AGBL4: variants seen among roughly 807,000 people sequenced by gnomAD.
The protein encoded by AGBL4 is AGBL carboxypeptidase 4.
In AGBL4, 58 loss-of-function variants were observed where a neutral mutation model predicts 66.4. The ratio of observed to expected loss-of-function variants is 0.87; its 90% CI spans 0.71 to 1.09. The LOEUF (loss-of-function observed/expected upper bound fraction) is 1.09. Among genes scored for constraint, AGBL4 ranks in the 50% least tolerant of loss-of-function variants. The probability of loss-of-function intolerance (pLI) is 0.00; values close to 1 mark genes in which losing one functional copy is unlikely to be tolerated. For synonymous variants in AGBL4, 234 were observed against 222.9 expected, an observed-to-expected ratio of 1.05 and a Z score of -0.44; for missense variants, 579 against 631.0, an observed-to-expected ratio of 0.92 and a Z score of 0.88.
At chr1:48,846,738 A>C (rs1646925784) in intron 6 of AGBL4, among the ~76,000 whole-genome samples, 1 of 152,194 alleles carries the variant, frequency 6.6e-6, no homozygotes, top group Admixed American at 6.5e-5. Flanking sequence ...GAGGTTTTGA[A>C]AATGAATCCA....
chr1:49,491,074 A>C (rs944951541), intron 3 of AGBL4, among the ~76,000 whole-genome samples: 4 of 151,778 alleles, frequency 2.6e-5, no homozygotes, highest in Admixed American at 2.0e-4. Flanking sequence ...CTCCACACAA[A>C]GTAGAAGCTC....
At chr1:48,917,453 C>A (rs1173477638) in intron 5 of AGBL4, among the ~76,000 whole-genome samples, 1 of 152,030 alleles carries the variant, frequency 6.6e-6, no homozygotes, top group Non-Finnish European at 1.5e-5. Flanking sequence ...CTTAATGAGC[C>A]CTCTATGAAT....
In AGBL4 at chr1:49,067,362, G is replaced by A. The variant is rs577866477; in HGVS notation, c.378-21562C>T. Among the ~76,000 whole-genome samples the A allele has an allele frequency of 3.9e-5, 6 of 152,274 alleles. No homozygotes were observed. In the South Asian group the frequency reaches 1.2e-3, roughly 32 times the overall value. On this transcript the variant is annotated intron_variant, in intron 4 of 13. Transcript: ENST00000371839. ...TAAAACCTTCCAGTGCCTTCCCATT[G>A]CACCTAAACAAATAGGTTAGTCTCA...
At chr1:48,832,453 T>C (rs1646575708) in intron 6 of AGBL4, among the ~76,000 whole-genome samples, 1 of 152,188 alleles carries the variant, frequency 6.6e-6, no homozygotes, top group African/African-American at 2.4e-5. Context: ...CTCTTATTGT[T>C]GCCACAAAGT....
At chr1:49,161,400 C>T (rs1306310749) in intron 4 of AGBL4, among the ~76,000 whole-genome samples, 1 of 152,148 alleles carries the variant, frequency 6.6e-6, no homozygotes, top group Non-Finnish European at 1.5e-5. Context: ...CAACCAGTCC[C>T]AATGAGATGA....
At chr1:48,967,299 A>G (rs1658525034) in intron 5 of AGBL4, among the ~76,000 whole-genome samples, 1 of 152,132 alleles carries the variant, frequency 6.6e-6, no homozygotes, top group Admixed American at 6.5e-5. Flanking sequence ...CACTATCATC[A>G]TAATTCTGCT....
intron 5 of AGBL4, among the ~76,000 whole-genome samples, chr1:48,934,699 C>T (rs1013289838): frequency 6.6e-6 from 1 of 152,198 alleles, no homozygotes; most frequent in African/African-American, 2.4e-5. Context: ...TAATTACCCT[C>T]ATCCCTACAA....
At chr1:49,684,521 G>A (rs1475982144) in intron 3 of AGBL4, among the ~76,000 whole-genome samples, 1 of 152,082 alleles carries the variant, frequency 6.6e-6, no homozygotes, top group Non-Finnish European at 1.5e-5. Flanking sequence ...TCAGTGTGAA[G>A]CTCATATTAG....
chr1:48,623,811 A>G (rs1645455332), intron 9 of AGBL4, among the ~76,000 whole-genome samples: 1 of 152,208 alleles, frequency 6.6e-6, no homozygotes, highest in South Asian at 2.1e-4. Context: ...AGGGAGGAGT[A>G]TATGGGAGGA....
intron 3 of AGBL4, among the ~76,000 whole-genome samples, chr1:49,463,422 G>A (rs1433794773): frequency 1.3e-5 from 2 of 151,674 alleles, no homozygotes; most frequent in East Asian, 3.9e-4. Flanking sequence ...ACTATGAATA[G>A]AAAAATGTAA....
chr1:48,556,204 G>A (rs1644318705), intron 11 of AGBL4, among the ~76,000 whole-genome samples: 1 of 152,168 alleles, frequency 6.6e-6, no homozygotes, highest in East Asian at 1.9e-4. Flanking sequence ...GTATGAGGCT[G>A]GCCTTAAACT....
intron 9 of AGBL4, among the ~76,000 whole-genome samples, chr1:48,630,195 T>G (rs1041520745): frequency 2.0e-5 from 3 of 152,192 alleles, no homozygotes. Context: ...GATCATCATT[T>G]AATACCCAAT....
intron 6 of AGBL4, among the ~76,000 whole-genome samples, chr1:48,857,681 G>A (rs571508106): frequency 1.3e-5 from 2 of 151,910 alleles, no homozygotes; most frequent in South Asian, 2.1e-4. Context: ...AGATCGCACC[G>A]CTGCACTCCA....
intron 3 of AGBL4, among the ~76,000 whole-genome samples, chr1:49,584,239 A>G (rs1007295302): frequency 3.3e-5 from 5 of 152,214 alleles, no homozygotes; most frequent in Admixed American, 1.3e-4. Context: ...AATAAGAACA[A>G]TGTGTCTAAA....
chr1:49,290,073 T>A (rs1644505182), intron 3 of AGBL4, among the ~76,000 whole-genome samples: 1 of 152,182 alleles, frequency 6.6e-6, no homozygotes, highest in African/African-American at 2.4e-5. Context: ...CCAAAAATTT[T>A]CAAAATTTAA....
At chr1:48,781,937 T>G (rs751278194) in intron 6 of AGBL4, among the ~76,000 whole-genome samples, 14 of 152,364 alleles carry the variant, frequency 9.2e-5, no homozygotes, top group Admixed American at 2.6e-4. Context: ...TTATAAATCA[T>G]GCATGCCAGG....
chr1:49,979,334 G>A (rs1250003205), intron 1 of AGBL4, among the ~76,000 whole-genome samples: 7 of 151,542 alleles, frequency 4.6e-5, no homozygotes, highest in Non-Finnish European at 1.0e-4. Context: ...GGTGGCGGGC[G>A]CCTGTAGTCC....
chr1:48,711,029 C>T (rs949826502), intron 6 of AGBL4, among the ~76,000 whole-genome samples: 13 of 152,176 alleles, frequency 8.5e-5, no homozygotes, highest in African/African-American at 2.4e-4. Flanking sequence ...CACTGTGCAT[C>T]CTTGTCTGTC....
chr1:48,761,242 T>C, intron 6 of AGBL4: 1 of 1,299,638 alleles, frequency 7.7e-7, no homozygotes, highest in Non-Finnish European at 1.0e-6. Flanking sequence ...CAGGGGACAT[T>C]TACATGGGGA....
Sources: gnomAD v4.1 joint callset for allele counts (sites outside exome capture counted in the v4.1 genomes callset) on GRCh38, gnomAD v4.1.1 for gene constraint, MANE v1.5 for transcripts, NCBI Gene and HGNC (gene_info 2026-07-23, HGNC 2026-07-21) for gene names.